AUTS2: variants seen among roughly 807,000 people sequenced by gnomAD.
The protein encoded by AUTS2 is autism susceptibility gene 2 protein.
AUTS2 carries 17 observed loss-of-function variants against 112.4 expected under a neutral mutation model. The observed-to-expected ratio is 0.15, with a 90% CI of 0.10 to 0.23. The LOEUF is 0.23. Among genes scored for constraint, AUTS2 ranks in the 10% least tolerant of loss-of-function variants. The pLI is 1.00. For missense variants in AUTS2, 1,510 were observed against 1,701.6 expected (o/e 0.89, Z 1.98); for synonymous variants, 751 against 702.7 (o/e 1.07, Z -1.09).
rs543774667 is a variant in AUTS2 at position 70,773,228 on chromosome 7, C to G, written c.1831-800C>G. Among the ~76,000 whole-genome samples the G allele has an allele frequency of 5.3e-5, 8 of 152,270 alleles. No homozygotes were observed. The East Asian group carries it at 1.5e-3, about 29-fold the overall frequency. Reference sequence around the variant, plus strand: ...CCTAAACTTGAGCTCCTTTTCCCCACGAGTTTAACTTCCTGGTGTGGGGGG... The same window carrying G: ...CCTAAACTTGAGCTCCTTTTCCCCAGGAGTTTAACTTCCTGGTGTGGGGGG... On this transcript the variant is annotated intron_variant, in intron 11 of 18. Coordinates refer to ENST00000342771, the MANE Select transcript of AUTS2 (RefSeq NM_015570.4).
intron 2 of AUTS2, among the ~76,000 whole-genome samples, chr7:69,967,568 A>G (rs758801740): frequency 3.9e-5 from 6 of 152,102 alleles, no homozygotes; most frequent in Non-Finnish European, 8.8e-5. Context: ...CCAGGTTTGA[A>G]AGAGTGGATT....
chr7:70,516,344 T>C (rs1244622724), intron 5 of AUTS2, among the ~76,000 whole-genome samples: 1 of 152,188 alleles, frequency 6.6e-6, no homozygotes, highest in East Asian at 1.9e-4. Flanking sequence ...GTTTCCGGCA[T>C]GGTACTGCCA....
chr7:70,726,801 GA>G (rs1472793457), intron 6 of AUTS2, among the ~76,000 whole-genome samples: 1 of 152,212 alleles, frequency 6.6e-6, no homozygotes, highest in African/African-American at 2.4e-5. Flanking sequence ...GACCTGTATT[GA>G]GAGTGGATCT....
chr7:70,610,299 C>T (rs1473964816), intron 5 of AUTS2, among the ~76,000 whole-genome samples: 1 of 152,048 alleles, frequency 6.6e-6, no homozygotes, highest in African/African-American at 2.4e-5. Context: ...ACACCCAACC[C>T]ATATTTTTAA....
chr7:70,058,082 A>T (rs1453358722), intron 2 of AUTS2, among the ~76,000 whole-genome samples: 1 of 152,198 alleles, frequency 6.6e-6, no homozygotes, highest in Non-Finnish European at 1.5e-5. Flanking sequence ...TAGTGACAAT[A>T]CCTCCTATAT....
At chr7:69,635,627 C>G (rs566817196) in intron 1 of AUTS2, among the ~76,000 whole-genome samples, 1 of 152,270 alleles carries the variant, frequency 6.6e-6, no homozygotes, top group East Asian at 1.9e-4. Context: ...CATCTCAGAG[C>G]TGAAGTCTTA....
chr7:70,117,132 TTTTTG>T lies in AUTS2; in HGVS notation c.523-995_523-991del, dbSNP rs1562710466. Among the ~76,000 whole-genome samples, 227 of 99,164 alleles carry T rather than the reference TTTTTG, an allele frequency of 2.3e-3. 4 individuals carry two copies. Among genetic ancestry groups the T allele is most frequent in the African/African-American group, 7.2e-3 (177 of 24,518 alleles). 65.1% of individuals were successfully genotyped at this position (99,164 alleles called of 152,430 possible). A position where few individuals can be genotyped will look rare whatever the true frequency, so the allele number is the denominator to read the frequency against. Reference sequence around the variant, plus strand: ...TTTTTTTTTTGTTTTTTTTTGTTTTTTTTTGTTTTTTTTTTTGGTGTAGTACCATA... The same window carrying T: ...TTTTTTTTTTGTTTTTTTTTGTTTTTTTTTTTTTTTTGGTGTAGTACCATA... On this transcript the variant is annotated intron_variant, in intron 2 of 18. Coordinates refer to ENST00000342771, the MANE Select transcript of AUTS2 (RefSeq NM_015570.4).
intron 5 of AUTS2, among the ~76,000 whole-genome samples, chr7:70,688,358 C>T (rs944392716): frequency 2.0e-5 from 3 of 152,258 alleles, no homozygotes; most frequent in African/African-American, 7.2e-5. Flanking sequence ...TGGCTCGGGG[C>T]ATACAGGAGG....
intron 4 of AUTS2, among the ~76,000 whole-genome samples, chr7:70,421,461 G>A (rs1225846152): frequency 6.6e-6 from 1 of 152,194 alleles, no homozygotes; most frequent in Non-Finnish European, 1.5e-5. Context: ...CAGCATGGCT[G>A]CCATTTAAAA....
chr7:70,349,722 G>T (rs1206342330), intron 4 of AUTS2, among the ~76,000 whole-genome samples: 1 of 151,928 alleles, frequency 6.6e-6, no homozygotes, highest in Non-Finnish European at 1.5e-5. Flanking sequence ...CTTTGAGATG[G>T]GTGGACAAAC....
Position 70,766,086 on chromosome 7 carries a change from T to C in AUTS2, c.1469-28T>C. The stretch of plus-strand genomic sequence containing the variant: ...ATGTCCTTTTCTGAAGGAAAAGGCG[T>C]CATCGTCTCCCTCTTCTTCTCTTCC... On this transcript the variant is annotated intron_variant, in intron 8 of 18. Coordinates refer to ENST00000342771, the MANE Select transcript of AUTS2 (RefSeq NM_015570.4). This position sits in a 1 kb window ranked among gnomAD's most constrained non-coding sequence, Gnocchi z 4.8. The C allele has an allele frequency of 6.2e-7, 1 of 1,603,638 alleles. No homozygotes were observed. Among genetic ancestry groups the C allele is most frequent in the Non-Finnish European group, 8.5e-7 (1 of 1,172,132 alleles).
intron 4 of AUTS2, among the ~76,000 whole-genome samples, chr7:70,174,768 T>G (rs1808895956): frequency 6.6e-6 from 1 of 152,154 alleles, no homozygotes. Flanking sequence ...ACTAAATATT[T>G]TAAGCCCGCT....
intron 4 of AUTS2, among the ~76,000 whole-genome samples, chr7:70,357,745 T>C (rs1413310033): frequency 6.6e-6 from 1 of 152,216 alleles, no homozygotes; most frequent in Non-Finnish European, 1.5e-5. Flanking sequence ...GGGTTGAACT[T>C]GGGAATTACT....
intron 1 of AUTS2, among the ~76,000 whole-genome samples, chr7:69,800,331 A>T (rs1351523890): frequency 6.6e-6 from 1 of 152,216 alleles, no homozygotes; most frequent in Non-Finnish European, 1.5e-5. Context: ...GAATGACTAG[A>T]AATTAGGACA....
intron 5 of AUTS2, among the ~76,000 whole-genome samples, chr7:70,445,682 C>A (rs182609930): frequency 7.4e-4 from 112 of 152,298 alleles, no homozygotes; most frequent in South Asian, 1.2e-3. Flanking sequence ...ATGTAGGCTA[C>A]ACCAGTCGGT....
At chr7:70,179,639 A>G (rs1809191385) in intron 4 of AUTS2, among the ~76,000 whole-genome samples, 1 of 152,162 alleles carries the variant, frequency 6.6e-6, no homozygotes, top group Non-Finnish European at 1.5e-5. Context: ...ATTTCCCCAA[A>G]AACAGGAGAC....
At chr7:69,677,950 C>A (rs2851515) in intron 1 of AUTS2, among the ~76,000 whole-genome samples, 93,390 of 151,948 alleles carry the variant, frequency 0.61, 28,999 homozygotes, top group East Asian at 0.7. Context: ...AACACAGGGA[C>A]CTCTACGAGT....
At chr7:70,486,214 C>T in intron 5 of AUTS2, among the ~76,000 whole-genome samples, 1 of 152,140 alleles carries the variant, frequency 6.6e-6, no homozygotes, top group East Asian at 1.9e-4. Context: ...CCTCCAAGGG[C>T]ACAGGGCACA....
intron 5 of AUTS2, among the ~76,000 whole-genome samples, chr7:70,645,909 A>G (rs2129541195): frequency 6.6e-6 from 1 of 152,182 alleles, no homozygotes; most frequent in East Asian, 1.9e-4. Context: ...TGTGTGCCTC[A>G]GTATCGTTTA....
Sources: allele counts gnomAD v4.1 joint callset (sites outside exome capture counted in the v4.1 genomes callset), GRCh38; gene constraint gnomAD v4.1.1; non-coding constraint Gnocchi (gnomAD v3.1); transcripts MANE v1.5; gene names NCBI Gene and HGNC (gene_info 2026-07-23, HGNC 2026-07-21).